UBAC2: variants seen among roughly 807,000 people sequenced by gnomAD.
The protein encoded by UBAC2 is ubiquitin-associated domain-containing protein 2.
In UBAC2, 26 loss-of-function variants were observed where a neutral mutation model predicts 44.0. The ratio of observed to expected loss-of-function variants is 0.59; its 90% confidence interval spans 0.43 to 0.82. The LOEUF is 0.82. UBAC2 is among the 40% of genes least tolerant of loss of function. UBAC2 has a pLI of 0.00. For missense variants in UBAC2, 329 were observed against 419.4 expected, an observed-to-expected ratio of 0.78 and a Z score of 1.88; for synonymous variants, 155 against 154.3, an observed-to-expected ratio of 1.00 and a Z score of -0.04.
intron 4 of UBAC2, among the ~76,000 whole-genome samples, 168 bp from the exon 5 acceptor site, chr13:99,313,929 A>G (rs1458283707): frequency 2.0e-5 from 3 of 152,240 alleles, no homozygotes; most frequent in Non-Finnish European, 4.4e-5. Context: ...AGTGTTCTAT[A>G]AGTACAAATT....
intron 1 of UBAC2, among the ~76,000 whole-genome samples, chr13:99,217,713 T>G (rs2043013274): frequency 6.6e-6 from 1 of 152,156 alleles, no homozygotes; most frequent in African/African-American, 2.4e-5. Context: ...GTGGAGGTTG[T>G]GGGGGGCAGG....
At position 99,251,317 on chromosome 13, in the gene UBAC2, A is replaced by G. The variant is rs181089461; in HGVS notation, c.389+6693A>G. Among the ~76,000 whole-genome samples the G allele has an allele frequency of 3.8e-3, 577 of 152,322 alleles. 6 individuals are homozygous for G. Among genetic ancestry groups the G allele is most frequent in the South Asian group, 0.011 (53 of 4,826 alleles). On this transcript the variant is annotated intron_variant, in intron 4 of 8. Coordinates refer to ENST00000403766, the MANE Select transcript of UBAC2 (RefSeq NM_001144072.2). Reference sequence around the variant, plus strand: ...TTTCTAGGTATAGAATCATATTGTCAGTAAAGAGAGATAGTTTGGGCTTTC... The same window carrying G: ...TTTCTAGGTATAGAATCATATTGTCGGTAAAGAGAGATAGTTTGGGCTTTC...
In UBAC2 at chr13:99,317,319, C is replaced by A. The variant is rs190961012; in HGVS notation, c.514-703C>A. Among the ~76,000 whole-genome samples the A allele has an allele frequency of 1.3e-3, 194 of 152,268 alleles. 1 individual carries two copies. Among genetic ancestry groups the A allele is most frequent in the African/African-American group, 4.5e-3 (189 of 41,562 alleles). ...ACCAACAATAACCCACAAATCATTT[C>A]TTTGTTGCAGGAACACTTTCAGAGT... On this transcript the variant is annotated intron_variant, in intron 5 of 8. Coordinates refer to ENST00000403766, the MANE Select transcript of UBAC2 (RefSeq NM_001144072.2).
chr13:99,353,694 A>C (rs1284676762), intron 7 of UBAC2, among the ~76,000 whole-genome samples: 1 of 151,780 alleles, frequency 6.6e-6, no homozygotes. Context: ...TATTAGAAAA[A>C]TCATCCTCAT....
At chr13:99,289,954 C>G (rs2044067953) in intron 4 of UBAC2, among the ~76,000 whole-genome samples, 2 of 152,194 alleles carry the variant, frequency 1.3e-5, no homozygotes, top group Non-Finnish European at 2.9e-5. Flanking sequence ...CTCCCCACCC[C>G]CAAGGAACTT....
chr13:99,286,922 CT>C (rs2044025707), intron 4 of UBAC2, among the ~76,000 whole-genome samples: 1 of 152,166 alleles, frequency 6.6e-6, no homozygotes, highest in African/African-American at 2.4e-5. Context: ...TGTCTCAGTT[CT>C]TTCTGAATCC....
At chr13:99,285,278 GCTC>G (rs2044003899) in intron 4 of UBAC2, among the ~76,000 whole-genome samples, 1 of 151,676 alleles carries the variant, frequency 6.6e-6, no homozygotes, top group Non-Finnish European at 1.5e-5. Flanking sequence ...TGCTCCTCCT[GCTC>G]CTCCTCTTCC....
chr13:99,230,786 C>A (rs1018850211), intron 1 of UBAC2, among the ~76,000 whole-genome samples: 4 of 152,098 alleles, frequency 2.6e-5, no homozygotes, highest in African/African-American at 9.7e-5. Flanking sequence ...TGCAGCGGCT[C>A]ACGCTTGTAA....
chr13:99,307,914 C>G (rs2044360072), intron 4 of UBAC2: 1 of 152,088 alleles, frequency 6.6e-6, no homozygotes, highest in South Asian at 2.1e-4. Context: ...GAGTGACAGT[C>G]CAGGATGTGG....
intron 6 of UBAC2, among the ~76,000 whole-genome samples, chr13:99,322,683 AC>A (rs751483185): frequency 2.0e-5 from 3 of 152,196 alleles, no homozygotes; most frequent in Non-Finnish European, 1.5e-5. Context: ...TGGAAAAAAA[AC>A]AATCTGTTAC....
chr13:99,379,894 T>C (rs2045528229), intron 8 of UBAC2, among the ~76,000 whole-genome samples: 1 of 152,226 alleles, frequency 6.6e-6, no homozygotes, highest in Non-Finnish European at 1.5e-5. Flanking sequence ...ACAACATTTT[T>C]ATAACACAGA....
At chr13:99,329,676 G>C (rs1033396553) in intron 6 of UBAC2, among the ~76,000 whole-genome samples, 1 of 152,138 alleles carries the variant, frequency 6.6e-6, no homozygotes, top group African/African-American at 2.4e-5. Flanking sequence ...AACAATCGTG[G>C]CCTCCTGCCA....
chr13:99,360,510 T>C (rs9517697), intron 7 of UBAC2, among the ~76,000 whole-genome samples: 38,247 of 152,122 alleles, frequency 0.25, 5,992 homozygotes, highest in Non-Finnish European at 0.35. Context: ...AGCCCAGTTA[T>C]TCTGGCTCTA....
rs528457704 is a variant in UBAC2, at chr13:99,230,356, C to G, written c.32-8071C>G. 5.9e-5 allele frequency among the ~76,000 whole-genome samples: 9 copies of G among 152,096 alleles called. No individual in the cohort carries two copies. In the South Asian group the frequency reaches 1.7e-3, roughly 28 times the overall value. ...TGGCAAGCGCCTGTAGTCCCAGCTG[C>G]TTGGGAGGCTGAGGGACGAGAATTG... On this transcript the variant is annotated intron_variant, in intron 1 of 8. Coordinates refer to ENST00000403766, the MANE Select transcript of UBAC2 (RefSeq NM_001144072.2).
chr13:99,247,277 C>T (rs373718246), intron 4 of UBAC2, among the ~76,000 whole-genome samples: 3 of 151,158 alleles, frequency 2.0e-5, no homozygotes, highest in Non-Finnish European at 2.9e-5. Flanking sequence ...TGCAGTGGCG[C>T]GATCTCGGCT....
At chr13:99,273,470 G>A (rs1372379525) in intron 4 of UBAC2, among the ~76,000 whole-genome samples, 1 of 152,174 alleles carries the variant, frequency 6.6e-6, no homozygotes, top group Non-Finnish European at 1.5e-5. Context: ...TAGCAGTATT[G>A]AGAGTAAGCG....
At chr13:99,316,613 C>T (rs953319544) in intron 5 of UBAC2, among the ~76,000 whole-genome samples, 1 of 152,202 alleles carries the variant, frequency 6.6e-6, no homozygotes, top group African/African-American at 2.4e-5. Flanking sequence ...AGCCCCTGTC[C>T]TCAAGGAGCC....
chr13:99,256,969 T>C (rs2138632211), intron 4 of UBAC2, among the ~76,000 whole-genome samples: 1 of 152,294 alleles, frequency 6.6e-6, no homozygotes, highest in South Asian at 2.1e-4. Flanking sequence ...TAAGGAAAAC[T>C]ATGGGGGAGA....
At chr13:99,247,726 C>T (rs1350105205) in intron 4 of UBAC2, among the ~76,000 whole-genome samples, 1 of 152,206 alleles carries the variant, frequency 6.6e-6, no homozygotes, top group Non-Finnish European at 1.5e-5. Flanking sequence ...ACGTTCTGCA[C>T]ATGTATCCCC....
Sources: gnomAD v4.1 joint callset for allele counts (sites outside exome capture counted in the v4.1 genomes callset) on GRCh38, gnomAD v4.1.1 for gene constraint, MANE v1.5 for transcripts, NCBI Gene and HGNC (gene_info 2026-07-23, HGNC 2026-07-21) for gene names.